The following TARS2 variants were observed in gnomAD, a reference collection of about 807,000 sequenced individuals.
The protein encoded by TARS2 is threonyl-tRNA synthetase 2, mitochondrial.
TARS2 carries 61 observed loss-of-function variants against 94.4 expected under a neutral mutation model. The ratio of observed to expected loss-of-function variants is 0.65; its 90% confidence interval spans 0.53 to 0.80. The LOEUF is 0.80. TARS2 is among the 30% of genes least tolerant of loss of function. The pLI, the probability that TARS2 is intolerant of heterozygous loss-of-function variation, is 0.00. For missense variants in TARS2, 704 were observed against 902.5 expected, an observed-to-expected ratio of 0.78 and a Z score of 2.82; for synonymous variants, 359 against 353.4, an observed-to-expected ratio of 1.02 and a Z score of -0.18.
At chr1:150,494,622 C>A (rs779083925) in intron 7 of TARS2, among the ~76,000 whole-genome samples, 46 of 151,846 alleles carry the variant, frequency 3.0e-4, no homozygotes, top group Non-Finnish European at 5.9e-4. Context: ...ACCTGTAGTC[C>A]CAGCTACTCG....
rs747247637 is a variant in TARS2, at chr1:150,491,630, G to C, written c.663G>C (p.Glu221Asp). Residue 221 changes from glutamate (E) to aspartate (D), a missense_variant, in exon 6 of 18, where the codon GAG (glutamate) becomes GAC (aspartate). Physicochemically the swap from Glu to Asp is conservative, Grantham distance 45. This residue lies in a region of TARS2 where 30 missense variants were observed against 64.5 expected (regional missense o/e 0.47). Transcript: ENST00000369064. The part of the protein sequence containing the change: ...DNPFKLHLIE[E>D]KVTGPTATVY... ...CCTTTAAGCTTCACTTGATTGAGGA[G>C]AAAGTGACAGGTCCAACAGCAACAG... 6.2e-7 allele frequency: 1 copy of C among 1,614,160 alleles called. No individual in the cohort carries two copies. Among genetic ancestry groups the C allele is most frequent in the Non-Finnish European group, 8.5e-7 (1 of 1,180,036 alleles).
intron 16 of TARS2, among the ~76,000 whole-genome samples, chr1:150,505,226 A>T (rs1450196518): frequency 1.3e-5 from 2 of 152,210 alleles, no homozygotes; most frequent in African/African-American, 4.8e-5. Flanking sequence ...CCACCAAAAG[A>T]GCACTTGGCA....
intron 14 of TARS2, 27 bp downstream of exon 14, chr1:150,504,462 T>A: frequency 6.2e-7 from 1 of 1,611,160 alleles, no homozygotes; most frequent in Non-Finnish European, 8.5e-7. Flanking sequence ...TATCCTCTTT[T>A]CCCTTGACAG....
At chr1:150,504,832 T>C in intron 15 of TARS2, 74 bp from the exon 16 acceptor site, 1 of 1,608,780 alleles carries the variant, frequency 6.2e-7, no homozygotes, top group Non-Finnish European at 8.5e-7. Flanking sequence ...CCTTCTCAAG[T>C]CTGCTCCATA....
intron 3 of TARS2, among the ~76,000 whole-genome samples, chr1:150,489,634 C>G (rs1411903552): frequency 1.3e-5 from 2 of 152,130 alleles, no homozygotes; most frequent in Non-Finnish European, 2.9e-5. Context: ...TAAGTAACCA[C>G]TGTGTTAAGA....
chr1:150,490,683 C>G lies in TARS2; in HGVS notation c.470C>G (p.Thr157Arg), dbSNP rs758088548. 2.5e-6 allele frequency: 4 copies of G among 1,613,902 alleles called. No individual in the cohort carries two copies. The East Asian group carries it at 8.9e-5, about 36-fold the overall frequency. ...LGAVLCRGPSTEYGFYHDFFL... is the reference protein window; with the variant it reads ...LGAVLCRGPSREYGFYHDFFL... Reference sequence around the variant, plus strand: ...GCTGTTCTCTGCAGAGGTCCAAGTACAGAATATGGCTTTTACCATGATTTC... The same window carrying G: ...GCTGTTCTCTGCAGAGGTCCAAGTAGAGAATATGGCTTTTACCATGATTTC... The change falls in exon 4 of 18, where the codon ACA (threonine) becomes AGA (arginine). Residue 157 changes from threonine (T) to arginine (R), a missense_variant. By Grantham distance (71) the Thr-to-Arg change is moderately conservative. Coordinates refer to ENST00000369064, the MANE Select transcript of TARS2 (RefSeq NM_025150.5).
At chr1:150,493,324 G>A (rs1406837886) in intron 7 of TARS2, among the ~76,000 whole-genome samples, 1 of 152,114 alleles carries the variant, frequency 6.6e-6, no homozygotes, top group African/African-American at 2.4e-5. Context: ...GGGGTGGAGG[G>A]GTGGAGCAGG....
At position 150,507,126 on chromosome 1, in the gene TARS2, C is replaced by G; in HGVS notation, c.*62C>G. On this transcript the variant is annotated 3_prime_UTR_variant, in exon 18 of 18. Coordinates refer to ENST00000369064, the MANE Select transcript of TARS2 (RefSeq NM_025150.5). Reference sequence around the variant, plus strand: ...CCATCAGCCTCCCTCACATGGGAGACCCCAACCCAGCTGACAATGTGGAGC... The same window carrying G: ...CCATCAGCCTCCCTCACATGGGAGAGCCCAACCCAGCTGACAATGTGGAGC... The G allele has an allele frequency of 1.3e-6, 2 of 1,597,704 alleles. 1 individual carries two copies. Among genetic ancestry groups the G allele is most frequent in the Non-Finnish European group, 1.7e-6 (2 of 1,170,622 alleles).
At chr1:150,495,776 G>A (rs1669636101) in intron 7 of TARS2, among the ~76,000 whole-genome samples, 1 of 151,894 alleles carries the variant, frequency 6.6e-6, no homozygotes, top group Admixed American at 6.6e-5. Context: ...CTGGAGTGCA[G>A]TGGTGCGATC....
At chr1:150,489,274 C>A (rs765375831) in intron 3 of TARS2, 187 bp downstream of exon 3, 50 of 779,674 alleles carry the variant, frequency 6.4e-5, no homozygotes, top group Non-Finnish European at 9.1e-5. Context: ...TAGCTTCGAT[C>A]TATTAAGCAA....
intron 7 of TARS2, among the ~76,000 whole-genome samples, chr1:150,494,370 CAAA>C (rs377287320): frequency 2.2e-5 from 2 of 92,038 alleles, no homozygotes; most frequent in Middle Eastern, 7.1e-3. Context: ...GACAACATCT[CAAA>C]AAAAAAAAAA....
intron 10 of TARS2, 38 bp from the exon 11 acceptor site, chr1:150,498,464 C>A: frequency 5.9e-6 from 9 of 1,519,074 alleles, no homozygotes; most frequent in Admixed American, 4.7e-5. Flanking sequence ...GGGGCTAGTC[C>A]TCCCTATGGC....
intron 17 of TARS2, among the ~76,000 whole-genome samples, chr1:150,506,682 C>T (rs1473159353): frequency 6.6e-6 from 1 of 151,244 alleles, no homozygotes; most frequent in Non-Finnish European, 1.5e-5. Context: ...GGGCTCTTGA[C>T]CAGAAGCGAT....
chr1:150,504,872 A>G lies in TARS2; in HGVS notation c.1821-34A>G, dbSNP rs768264143. 3 of 1,613,466 alleles carry G rather than the reference A, an allele frequency of 1.9e-6. No homozygotes were observed. The South Asian group carries it at 3.3e-5, about 18-fold the overall frequency. ...CACACTTCTGGCCAGAGCCAGAGTG[A>G]CTAATTTGCCATCACCTGTTCTTTC... On this transcript the variant is annotated intron_variant, in intron 15 of 17. Coordinates refer to ENST00000369064, the MANE Select transcript of TARS2 (RefSeq NM_025150.5).
chr1:150,488,488 G>A (rs180698613), intron 2 of TARS2: 26 of 172,600 alleles, frequency 1.5e-4, no homozygotes, highest in Non-Finnish European at 2.8e-4. Context: ...ACTGTGGATT[G>A]TAACCCTGTC....
chr1:150,506,172 A>G (rs74805130), intron 17 of TARS2, among the ~76,000 whole-genome samples: 2,079 of 152,144 alleles, frequency 0.014, 51 homozygotes, highest in African/African-American at 0.048. Flanking sequence ...CCTCAGCCAG[A>G]TTACCTGATT....
intron 13 of TARS2, among the ~76,000 whole-genome samples, chr1:150,500,276 G>A (rs1669855657): frequency 6.6e-6 from 1 of 152,182 alleles, no homozygotes; most frequent in Non-Finnish European, 1.5e-5. Flanking sequence ...GTAAAGTAGG[G>A]CCTGAGGGTG....
chr1:150,501,404 G>A (rs756230600), intron 13 of TARS2, among the ~76,000 whole-genome samples: 6 of 127,234 alleles, frequency 4.7e-5, no homozygotes, highest in East Asian at 5.1e-4. Flanking sequence ...TGCAAGCTCC[G>A]CCTCCTGGAT....
rs150452678 is a variant in TARS2 at position 150,497,721 on chromosome 1, C to G, written c.1212C>G (p.Leu404=). 49 of 1,614,008 alleles carry G rather than the reference C, an allele frequency of 3.0e-5. No homozygotes were observed. The African/African-American group carries it at 5.2e-4, about 17-fold the overall frequency. The change falls in exon 10 of 18, where the codon CTC becomes CTG. Residue 404 remains leucine (L), a synonymous_variant. Coordinates refer to ENST00000369064, the MANE Select transcript of TARS2 (RefSeq NM_025150.5). ...STRHITDTLA[L]KPMNCPAHCL... is the part of the protein sequence containing the mutation. ...GGCATATCACAGATACACTCGCCCT[C>G]AAGCCTATGAACTGCCCTGCACACT...
Sources: gnomAD v4.1 joint callset for allele counts (sites outside exome capture counted in the v4.1 genomes callset) on GRCh38, gnomAD v4.1.1 for gene constraint, gnomAD v4.1.1 regional missense constraint, MANE v1.5 for transcripts, NCBI Gene and HGNC (gene_info 2026-07-23, HGNC 2026-07-21) for gene names.